The following EFHB variants were observed in gnomAD, a reference collection of about 807,000 sequenced individuals.
EFHB encodes the protein EF-hand domain family member B, also known as EF-hand domain-containing family member B.
A neutral mutation model predicts 87.2 loss-of-function variants in EFHB; 91 were observed. The ratio of observed to expected loss-of-function variants is 1.04; its 90% CI spans 0.88 to 1.24. EFHB has a LOEUF of 1.24. Ranked by LOEUF, EFHB falls within the 50% of genes most tolerant of loss-of-function variation. EFHB has a pLI of 0.00. For synonymous variants in EFHB, 325 were observed against 333.6 expected, an observed-to-expected ratio of 0.97 and a Z score of 0.28; for missense variants, 1,084 against 998.8, an observed-to-expected ratio of 1.09 and a Z score of -1.15.
chr3:19,933,044 G>A (rs763663963), intron 1 of EFHB, among the ~76,000 whole-genome samples, 186 bp downstream of exon 1: 8 of 152,160 alleles, frequency 5.3e-5, no homozygotes, highest in Non-Finnish European at 8.8e-5. Flanking sequence ...CATCTAGGAA[G>A]GGAGGCAGAG....
At chr3:19,926,326 G>GT (rs1297285695) in intron 1 of EFHB, among the ~76,000 whole-genome samples, 7 of 83,468 alleles carry the variant, frequency 8.4e-5, no homozygotes, top group Admixed American at 2.1e-4. Flanking sequence ...GGGTTTTTTG[G>GT]TTTTTTTGGG....
intron 3 of EFHB, 105 bp downstream of exon 3, chr3:19,919,728 T>A: frequency 8.6e-7 from 1 of 1,156,252 alleles, no homozygotes. Context: ...AGTAAAAATA[T>A]GGGTGGGAAG....
At chr3:19,894,482 A>G (rs754744249) in intron 9 of EFHB, 1 of 152,230 alleles carries the variant, frequency 6.6e-6, no homozygotes, top group Non-Finnish European at 1.5e-5. Flanking sequence ...TTCATAAGCC[A>G]AGAAGATTCA....
chr3:19,919,708 A>G, intron 3 of EFHB, 125 bp downstream of exon 3: 1 of 970,676 alleles, frequency 1.0e-6, no homozygotes, highest in Non-Finnish European at 1.5e-6. Context: ...AGACAGATTG[A>G]GAAAAGCCTA....
chr3:19,911,137 C>G (rs907776767), intron 5 of EFHB, among the ~76,000 whole-genome samples: 1 of 152,100 alleles, frequency 6.6e-6, no homozygotes, highest in African/African-American at 2.4e-5. Context: ...AGCAACAGAG[C>G]TATATGTCCT....
At chr3:19,924,216 CTT>C (rs1281280539) in intron 1 of EFHB, among the ~76,000 whole-genome samples, 76 of 141,306 alleles carry the variant, frequency 5.4e-4, no homozygotes, top group Admixed American at 7.8e-4. Context: ...CTCTCTCTCT[CTT>C]TTTTTTTTTT....
chr3:19,911,930 G>A (rs1575024489), intron 5 of EFHB, among the ~76,000 whole-genome samples: 1 of 151,966 alleles, frequency 6.6e-6, no homozygotes, highest in African/African-American at 2.4e-5. Flanking sequence ...GAGCAACATA[G>A]TGAGACTAAA....
intron 2 of EFHB, 45 bp downstream of exon 2, chr3:19,920,460 T>C (rs748559967): frequency 1.3e-6 from 2 of 1,487,042 alleles, no homozygotes; most frequent in Non-Finnish European, 1.8e-6. Flanking sequence ...AATGTTCACA[T>C]AGAAGGTAAA....
At chr3:19,882,457 T>A (rs2071701085) in intron 12 of EFHB, 93 bp downstream of exon 12, 1 of 1,224,676 alleles carries the variant, frequency 8.2e-7, no homozygotes, top group African/African-American at 1.5e-5. Context: ...CCTGTAGACT[T>A]TTGTAAATAT....
At chr3:19,891,147 G>T (rs1694293304) in intron 9 of EFHB, among the ~76,000 whole-genome samples, 1 of 152,098 alleles carries the variant, frequency 6.6e-6, no homozygotes, top group South Asian at 2.1e-4. Context: ...GTTCACTGCA[G>T]CCTCAAACTC....
rs570902003 is a variant in EFHB at position 19,884,321 on chromosome 3, C to A, written c.2146+82G>T. 6.1e-6 allele frequency: 8 copies of A among 1,319,204 alleles called. No homozygotes were observed. The East Asian group carries it at 9.8e-5, about 16-fold the overall frequency. 81.7% of individuals were successfully genotyped at this position (1,319,204 alleles called of 1,614,324 possible). The stretch of plus-strand genomic sequence containing the variant: ...CAAAGCTTTGGGAAACTTAATCTAA[C>A]GGAGAAAGGCAGGGGACAATGCAAG... On this transcript the variant is annotated intron_variant, in intron 11 of 12. Transcript: ENST00000295824.
upstream of EFHB, chr3:19,936,341 A>AAAAG: frequency 1.8e-6 from 1 of 550,294 alleles, no homozygotes; most frequent in Non-Finnish European, 3.2e-6. Context: ...CAGACTGAAA[A>AAAAG]AAAAAAAAGT....
At chr3:19,938,834 C>T (rs1041996621), upstream of EFHB, among the ~76,000 whole-genome samples, 9 of 152,174 alleles carry the variant, frequency 5.9e-5, no homozygotes, top group South Asian at 8.3e-4. Context: ...CACCTTACTG[C>T]GGCCTGTACT....
intron 1 of EFHB, chr3:19,940,664 T>C (rs1696135734): frequency 5.4e-6 from 2 of 372,088 alleles, no homozygotes; most frequent in South Asian, 4.2e-5. Flanking sequence ...AAATGGCCCT[T>C]GTCATTAGTG....
chr3:19,905,338 G>A (rs538877552), intron 6 of EFHB, among the ~76,000 whole-genome samples: 2 of 151,854 alleles, frequency 1.3e-5, no homozygotes, highest in African/African-American at 4.8e-5. Flanking sequence ...CACAAATAAA[G>A]TTGATCCCAG....
intron 8 of EFHB, 147 bp from the exon 9 acceptor site, chr3:19,896,988 C>T: frequency 1.5e-6 from 1 of 681,030 alleles, no homozygotes; most frequent in Admixed American, 3.0e-5. Context: ...TCAGAAAATC[C>T]TTATGTACTC....
chr3:19,918,146 A>G (rs1695298794), intron 4 of EFHB, 86 bp downstream of exon 4: 2 of 1,295,998 alleles, frequency 1.5e-6, no homozygotes, highest in Admixed American at 4.9e-5. Flanking sequence ...ATCACCAAAC[A>G]TCATACAAAT....
intron 6 of EFHB, among the ~76,000 whole-genome samples, chr3:19,901,056 GA>G (rs557042796): frequency 1.9e-3 from 284 of 152,160 alleles, no homozygotes; most frequent in African/African-American, 6.5e-3. Flanking sequence ...ACATCAATAA[GA>G]ATACACTGCA....
intron 5 of EFHB, among the ~76,000 whole-genome samples, chr3:19,914,537 A>G (rs1695162333): frequency 6.6e-6 from 1 of 151,714 alleles, no homozygotes; most frequent in Non-Finnish European, 1.5e-5. Flanking sequence ...CAAGATCGCT[A>G]ATAATAATAA....
Sources: allele counts gnomAD v4.1 joint callset (sites outside exome capture counted in the v4.1 genomes callset), GRCh38; gene constraint gnomAD v4.1.1; transcripts MANE v1.5; gene names NCBI Gene and HGNC (gene_info 2026-07-23, HGNC 2026-07-21).